The following ARHGAP10 variants were observed in gnomAD, a reference collection of about 807,000 sequenced individuals.
ARHGAP10 encodes rho GTPase-activating protein 10.
Under a neutral mutation model 108.6 loss-of-function variants are expected in ARHGAP10, and 87 were observed. That is an observed-to-expected ratio of 0.80 (90% CI 0.67 to 0.96). ARHGAP10 has a LOEUF of 0.96. ARHGAP10 is among the 40% of genes least tolerant of loss of function. The pLI is 0.00. For missense variants in ARHGAP10, 939 were observed against 954.5 expected, an observed-to-expected ratio of 0.98 and a Z score of 0.21; for synonymous variants, 347 against 341.1, an observed-to-expected ratio of 1.02 and a Z score of -0.19.
At chr4:147,837,641 C>CTGTTTT (rs1553955158) in intron 3 of ARHGAP10, among the ~76,000 whole-genome samples, 1 of 14,716 alleles carries the variant, frequency 6.8e-5, no homozygotes, top group Non-Finnish European at 4.4e-4. Context: ...TCTCTGGTCA[C>CTGTTTT]TGTTTTTTTT....
chr4:148,039,303 G>A lies in ARHGAP10; in HGVS notation c.1868-7589G>A, dbSNP rs1485031948. On this transcript the variant is annotated intron_variant, in intron 19 of 22. Transcript: ENST00000336498. ...TTTTATTATGCCCTCACATTTGAAG[G>A]CAGTTTGAATATATAATTCTCTGCT... is the stretch of plus-strand genomic sequence containing the variant. 2.7e-5 allele frequency among the ~76,000 whole-genome samples: 4 copies of A among 149,922 alleles called. No individual in the cohort carries two copies. In the South Asian group the frequency reaches 8.6e-4, roughly 32 times the overall value.
chr4:147,995,479 A>G (rs1740437354), intron 18 of ARHGAP10, among the ~76,000 whole-genome samples: 1 of 152,250 alleles, frequency 6.6e-6, no homozygotes, highest in Admixed American at 6.5e-5. Context: ...AGAGCTTGCC[A>G]CATGTTACCG....
At chr4:147,803,492 T>C (rs1731661895) in intron 1 of ARHGAP10, among the ~76,000 whole-genome samples, 2 of 152,244 alleles carry the variant, frequency 1.3e-5, no homozygotes, top group Admixed American at 1.3e-4. Context: ...GAAATATTTT[T>C]AATTATAGTC....
intron 1 of ARHGAP10, among the ~76,000 whole-genome samples, chr4:147,795,232 G>A (rs1175770325): frequency 2.6e-5 from 4 of 152,138 alleles, no homozygotes; most frequent in Non-Finnish European, 5.9e-5. Flanking sequence ...ACAGGTGTGA[G>A]CCACCATGCT....
chr4:148,054,983 G>A (rs1365237212), intron 20 of ARHGAP10, among the ~76,000 whole-genome samples: 2 of 152,186 alleles, frequency 1.3e-5, no homozygotes, highest in Non-Finnish European at 2.9e-5. Context: ...GTAACCTTCA[G>A]ACCTCGAATG....
chr4:147,904,806 C>T (rs1389594859), intron 10 of ARHGAP10, among the ~76,000 whole-genome samples: 3 of 152,178 alleles, frequency 2.0e-5, no homozygotes, highest in Admixed American at 1.3e-4. Context: ...GGAATCGCCA[C>T]ACTGACTTCC....
intron 4 of ARHGAP10, among the ~76,000 whole-genome samples, chr4:147,847,452 TAG>T (rs1297814237): frequency 1.3e-5 from 2 of 152,208 alleles, no homozygotes; most frequent in Non-Finnish European, 2.9e-5. Context: ...CCTTTCCATA[TAG>T]AGTTTTAAAA....
chr4:147,866,746 A>G lies in ARHGAP10; in HGVS notation c.632A>G (p.Tyr211Cys), dbSNP rs779745174. Residue 211 changes from tyrosine to cysteine, a missense_variant, in exon 7 of 23, where the codon TAT (tyrosine) becomes TGT (cysteine). Coordinates refer to ENST00000336498, the MANE Select transcript of ARHGAP10 (RefSeq NM_024605.4). ...LSFFQGMFTFYHQGHELAKDF... is the reference protein window; with the variant it reads ...LSFFQGMFTFCHQGHELAKDF... The stretch of plus-strand genomic sequence containing the variant: ...TTTTTTCAGGGGATGTTTACCTTCT[A>G]TCATCAGGGCCATGAACTTGCCAAA... 1.2e-6 allele frequency: 2 copies of G among 1,613,848 alleles called. No homozygotes were observed. The highest frequency in any genetic ancestry group is 1.7e-4 in the Middle Eastern group (1 of 6,060).
intron 1 of ARHGAP10, among the ~76,000 whole-genome samples, chr4:147,787,816 A>T (rs944536900): frequency 1.3e-5 from 2 of 152,104 alleles, no homozygotes; most frequent in African/African-American, 2.4e-5. Context: ...TTTGGAAGTC[A>T]TGATGCCTGG....
chr4:147,856,799 G>C (rs549345674), intron 4 of ARHGAP10, among the ~76,000 whole-genome samples: 9 of 152,288 alleles, frequency 5.9e-5, no homozygotes, highest in African/African-American at 2.2e-4. Context: ...TCTTTCCCAA[G>C]ATGTTTTTTT....
At chr4:147,884,001 C>T (rs1399764474) in intron 10 of ARHGAP10, among the ~76,000 whole-genome samples, 4 of 152,070 alleles carry the variant, frequency 2.6e-5, no homozygotes, top group Non-Finnish European at 5.9e-5. Flanking sequence ...AGCTTGAGCC[C>T]TACCTCTTAA....
intron 1 of ARHGAP10, among the ~76,000 whole-genome samples, chr4:147,789,011 A>AAATTTTCAC: frequency 6.6e-6 from 1 of 152,332 alleles, no homozygotes; most frequent in Middle Eastern, 3.4e-3. Flanking sequence ...TCAGCTAATG[A>AAATTTTCAC]AATTTTCACA....
At chr4:147,862,263 C>A (rs1734350937) in intron 5 of ARHGAP10, 1 of 152,690 alleles carries the variant, frequency 6.5e-6, no homozygotes, top group South Asian at 2.1e-4. Context: ...TTGGCTACAA[C>A]TTTGCTCCAC....
chr4:147,817,035 A>G (rs938362345), intron 1 of ARHGAP10, among the ~76,000 whole-genome samples: 1 of 152,212 alleles, frequency 6.6e-6, no homozygotes, highest in African/African-American at 2.4e-5. Context: ...AAAGAATATG[A>G]GCTTCCAGGT....
intron 16 of ARHGAP10, among the ~76,000 whole-genome samples, chr4:147,959,371 A>AT (rs1560845839): frequency 6.6e-6 from 1 of 151,882 alleles, no homozygotes; most frequent in East Asian, 1.9e-4. Context: ...CTTTTTTTAA[A>AT]TTTTTTAAAA....
chr4:147,779,297 G>A (rs1287189869), intron 1 of ARHGAP10, among the ~76,000 whole-genome samples: 4 of 152,166 alleles, frequency 2.6e-5, no homozygotes, highest in Non-Finnish European at 5.9e-5. Context: ...ACTCTTGGCA[G>A]GTGTGCACTG....
rs568303903 is a variant in ARHGAP10, at chr4:147,926,849, A to G, written c.1229-12976A>G. ...CTAGAAAGGTCAGGTTGGTGGAGGA[A>G]CAAGAAACAACCATTGGGTTTAGTG... On this transcript the variant is annotated intron_variant, in intron 13 of 22. Coordinates refer to ENST00000336498, the MANE Select transcript of ARHGAP10 (RefSeq NM_024605.4). Among the ~76,000 whole-genome samples the G allele has an allele frequency of 1.8e-3, 274 of 152,298 alleles. 9 individuals carry two copies. In the South Asian group the frequency reaches 0.053, roughly 30 times the overall value.
chr4:148,040,444 C>T (rs554694315), intron 19 of ARHGAP10, among the ~76,000 whole-genome samples: 20 of 152,240 alleles, frequency 1.3e-4, no homozygotes, highest in South Asian at 4.1e-4. Context: ...TGGGTTCAAG[C>T]GATTCTCCTG....
chr4:147,994,381 C>T (rs190373859), intron 18 of ARHGAP10, among the ~76,000 whole-genome samples: 3 of 151,826 alleles, frequency 2.0e-5, no homozygotes, highest in African/African-American at 7.3e-5. Flanking sequence ...TCTTGTTAAT[C>T]CTTGCACAGC....
Sources: gnomAD v4.1 joint callset for allele counts (sites outside exome capture counted in the v4.1 genomes callset) on GRCh38, gnomAD v4.1.1 for gene constraint, MANE v1.5 for transcripts, NCBI Gene and HGNC (gene_info 2026-07-23, HGNC 2026-07-21) for gene names.